Variants in TENM2 observed in about 807,000 individuals in gnomAD.
TENM2 encodes teneurin-2.
A neutral mutation model predicts 245.2 loss-of-function variants in TENM2; 52 were observed. The observed-to-expected ratio is 0.21, with a 90% CI of 0.17 to 0.27. The LOEUF is 0.27. Among genes scored for constraint, TENM2 ranks in the 10% least tolerant of loss-of-function variants. TENM2 has a pLI of 1.00. For synonymous variants in TENM2, 1,363 were observed against 1,438.9 expected (o/e 0.95, Z 1.19); for missense variants, 3,046 against 3,666.8 (o/e 0.83, Z 4.37).
the TENM2 span, among the ~76,000 whole-genome samples, chr5:167,230,858 C>A: frequency 5.3e-5 from 8 of 152,190 alleles, no homozygotes; most frequent in African/African-American, 1.9e-4. Context: ...TGTGTCTCCA[C>A]CCAAATCTCG....
At chr5:167,423,065 C>T (rs73373217) in intron 2 of TENM2, among the ~76,000 whole-genome samples, 6,985 of 151,820 alleles carry the variant, frequency 0.046, 178 homozygotes, top group African/African-American at 0.084. Context: ...GAAAAAGTCA[C>T]CCATGAAACT....
chr5:167,243,027 G>T, the TENM2 span, among the ~76,000 whole-genome samples: 2 of 147,288 alleles, frequency 1.4e-5, no homozygotes, highest in Admixed American at 6.8e-5. Context: ...ACATGTTGAG[G>T]TTTTTTTTTT....
At chr5:168,187,752 A>C (rs972876081) in intron 13 of TENM2, 1 of 152,074 alleles carries the variant, frequency 6.6e-6, no homozygotes, top group African/African-American at 2.4e-5. Flanking sequence ...CTGAATGTGG[A>C]TCTGAAACAA....
chr5:167,789,035 C>A (rs1047219351), intron 2 of TENM2, among the ~76,000 whole-genome samples: 1 of 152,128 alleles, frequency 6.6e-6, no homozygotes, highest in Non-Finnish European at 1.5e-5. Flanking sequence ...TACGAATCTA[C>A]GGGCATCTTG....
intron 1 of TENM2, among the ~76,000 whole-genome samples, chr5:167,327,384 G>GC (rs1757152317): frequency 6.6e-6 from 1 of 152,224 alleles, no homozygotes; most frequent in African/African-American, 2.4e-5. Context: ...AACAAAACAT[G>GC]CCTGGCTCTT....
intron 2 of TENM2, among the ~76,000 whole-genome samples, chr5:167,455,116 T>G (rs1765834010): frequency 6.6e-6 from 1 of 152,252 alleles, no homozygotes; most frequent in Non-Finnish European, 1.5e-5. Context: ...TTATCTGTTC[T>G]TCCTGTCTTC....
chr5:167,819,090 G>A (rs538419222), intron 2 of TENM2, among the ~76,000 whole-genome samples: 20 of 152,148 alleles, frequency 1.3e-4, no homozygotes, highest in Middle Eastern at 3.4e-3. Context: ...GTGTGCGTGC[G>A]CGTTCTCTAA....
chr5:167,268,873 CATAGATAGATAGATAG>C, the TENM2 span, among the ~76,000 whole-genome samples: 97 of 139,596 alleles, frequency 6.9e-4, no homozygotes, highest in Middle Eastern at 7.2e-3. Flanking sequence ...CCAAAAGATA[CATAGATAGATAGATAG>C]ATAGATAGAT....
chr5:167,391,075 T>C (rs1008554926), intron 2 of TENM2, among the ~76,000 whole-genome samples: 1 of 152,150 alleles, frequency 6.6e-6, no homozygotes, highest in Non-Finnish European at 1.5e-5. Context: ...CACCTACCCA[T>C]CACATACCTA....
At chr5:168,199,016 A>G in exon 16 of TENM2, 2 of 1,613,960 alleles carry the variant, frequency 1.2e-6, no homozygotes, top group Non-Finnish European at 1.7e-6. Flanking sequence ...CTGTGACCTC[A>G]GTGGCTTTGT....
At chr5:167,051,113 A>T in the TENM2 span, among the ~76,000 whole-genome samples, 1 of 152,074 alleles carries the variant, frequency 6.6e-6, no homozygotes, top group Non-Finnish European at 1.5e-5. Context: ...TTTGCAACCG[A>T]ACCTTCCTAT....
At chr5:168,066,451 CT>C (rs1270658329) in intron 7 of TENM2, among the ~76,000 whole-genome samples, 1 of 152,152 alleles carries the variant, frequency 6.6e-6, no homozygotes, top group Non-Finnish European at 1.5e-5. Flanking sequence ...ATCCTCAATC[CT>C]TTTCTTGAAA....
intron 4 of TENM2, among the ~76,000 whole-genome samples, chr5:167,969,480 G>T (rs560424540): frequency 1.3e-5 from 2 of 151,998 alleles, no homozygotes; most frequent in African/African-American, 4.8e-5. Flanking sequence ...ACCCAGTCTC[G>T]GGTATGTCTT....
chr5:167,055,333 C>T, the TENM2 span, among the ~76,000 whole-genome samples: 2 of 152,042 alleles, frequency 1.3e-5, no homozygotes, highest in East Asian at 3.8e-4. Flanking sequence ...GCTCTTTTGT[C>T]AAAGATCAAT....
At chr5:167,871,670 A>G (rs1383065287) in intron 2 of TENM2, among the ~76,000 whole-genome samples, 4 of 152,164 alleles carry the variant, frequency 2.6e-5, no homozygotes, top group African/African-American at 4.8e-5. Flanking sequence ...TTTTTAACAG[A>G]TCAGTTGAAC....
intron 12 of TENM2, among the ~76,000 whole-genome samples, chr5:168,160,563 G>C (rs557093508): frequency 5.6e-4 from 86 of 152,256 alleles, no homozygotes; most frequent in African/African-American, 1.9e-3. Context: ...GGCCCACATA[G>C]GTCTCTTCTG....
intron 2 of TENM2, among the ~76,000 whole-genome samples, chr5:167,390,834 C>T (rs974305166): frequency 6.6e-6 from 1 of 152,150 alleles, no homozygotes; most frequent in Non-Finnish European, 1.5e-5. Flanking sequence ...CAACAAGGCA[C>T]GTCGAGAAAG....
rs1254105572 is a variant in TENM2, at chr5:168,262,424, G to A, written c.7939G>A (p.Val2647Met). ...CGGCCGCAAGGTGCTAGAGAGCGGGGTGAACGTGACCGTGTCCCAGCCCAC... is the reference window on the plus strand; with the variant it reads ...CGGCCGCAAGGTGCTAGAGAGCGGGATGAACGTGACCGTGTCCCAGCCCAC... The change falls in exon 29 of 29, where the codon GTG becomes ATG. Residue 2647 changes from valine to methionine, a missense_variant. Around this residue, in one of 2 missense-constraint regions of TENM2, gnomAD observed 2,704 missense variants for 3,331.9 expected, o/e 0.81. Transcript: ENST00000518659. The A allele has an allele frequency of 4.4e-6, 7 of 1,580,560 alleles. No homozygotes were observed. The Admixed American group carries it at 7.3e-5, about 16-fold the overall frequency.
At chr5:167,015,585 G>A in the TENM2 span, among the ~76,000 whole-genome samples, 4 of 152,034 alleles carry the variant, frequency 2.6e-5, no homozygotes, top group Non-Finnish European at 5.9e-5. Context: ...AAAAATTCTT[G>A]CCCATTACTT....
Sources: allele counts gnomAD v4.1 joint callset (sites outside exome capture counted in the v4.1 genomes callset), GRCh38; gene constraint gnomAD v4.1.1; regional missense constraint gnomAD v4.1.1; transcripts MANE v1.5; gene names NCBI Gene and HGNC (gene_info 2026-07-23, HGNC 2026-07-21).